The following ZFR2 variants were observed in gnomAD, a reference collection of about 807,000 sequenced individuals.
ZFR2 encodes zinc finger RNA binding protein 2.
Under a neutral mutation model 105.7 loss-of-function variants are expected in ZFR2, and 104 were observed. That is an observed-to-expected ratio of 0.98 (90% CI 0.84 to 1.16). The LOEUF (loss-of-function observed/expected upper bound fraction) is 1.16, where lower values mean the gene tolerates loss of function less well. Ranked by LOEUF, ZFR2 falls within the 50% of genes most tolerant of loss-of-function variation. The pLI, the probability that ZFR2 is intolerant of heterozygous loss-of-function variation, is 0.00. For synonymous variants in ZFR2, 634 were observed against 597.7 expected (o/e 1.06, Z -0.89); for missense variants, 1,425 against 1,355.5 (o/e 1.05, Z -0.80).
At chr19:3,806,549 C>A (rs1476540474) in intron 18 of ZFR2, among the ~76,000 whole-genome samples, 1 of 152,220 alleles carries the variant, frequency 6.6e-6, no homozygotes, top group Non-Finnish European at 1.5e-5. Flanking sequence ...CGTGAGCCAC[C>A]CGGCCCGGCC....
chr19:3,807,557 G>A lies in ZFR2; in HGVS notation c.2546-288C>T, dbSNP rs974091100. Among the ~76,000 whole-genome samples the A allele has an allele frequency of 7.9e-5, 3 of 38,054 alleles. 1 individual carries two copies. The highest frequency in any genetic ancestry group is 1.4e-4 in the Non-Finnish European group (3 of 21,798). 25.0% of individuals were successfully genotyped at this position (38,054 alleles called of 152,430 possible). A position where few individuals can be genotyped will look rare whatever the true frequency, so the allele number is the denominator to read the frequency against. On this transcript the variant is annotated intron_variant, in intron 17 of 18. Coordinates refer to ENST00000262961, the MANE Select transcript of ZFR2 (RefSeq NM_015174.2). ...CCCATGCATATACACATACGCTGAC[G>A]TGTGTGTCCATGCGTGCCCATGTGC...
At chr19:3,835,239 G>A (rs934897908) in intron 1 of ZFR2, among the ~76,000 whole-genome samples, 1 of 152,204 alleles carries the variant, frequency 6.6e-6, no homozygotes, top group African/African-American at 2.4e-5. Context: ...GCAGAGCTGG[G>A]ACTCGAACCC....
At chr19:3,862,813 T>G (rs78363600) in intron 1 of ZFR2, among the ~76,000 whole-genome samples, 20,379 of 152,210 alleles carry the variant, frequency 0.13, 1,707 homozygotes, top group East Asian at 0.27. Flanking sequence ...TATTTCAGCC[T>G]TGCTGAGAAG....
At chr19:3,812,475 G>T (rs1428567582) in intron 14 of ZFR2, among the ~76,000 whole-genome samples, 2 of 152,036 alleles carry the variant, frequency 1.3e-5, no homozygotes. Context: ...GCACTTTCCT[G>T]GGGGGCGGCT....
intron 16 of ZFR2, among the ~76,000 whole-genome samples, chr19:3,809,597 C>T (rs1255185862): frequency 6.6e-6 from 1 of 152,192 alleles, no homozygotes; most frequent in African/African-American, 2.4e-5. Flanking sequence ...TCACCCAGCA[C>T]GGAGGCTACT....
At chr19:3,848,173 AG>A (rs2038202228) in intron 1 of ZFR2, among the ~76,000 whole-genome samples, 1 of 152,164 alleles carries the variant, frequency 6.6e-6, no homozygotes, top group Non-Finnish European at 1.5e-5. Context: ...GTACTTTGGG[AG>A]GCCGAGGCAG....
rs113401682 is a variant in ZFR2 at position 3,829,454 on chromosome 19, T to TTGTG, written c.853-1805_853-1802dup. 8.6e-3 allele frequency among the ~76,000 whole-genome samples: 1,281 copies of TTGTG among 149,724 alleles called. 18 individuals are homozygous for TTGTG. The highest frequency in any genetic ancestry group is 0.029 in the African/African-American group (1,201 of 40,952). ...GGATTATGGGGGACTATAGGTAGGT[T>TTGTG]TGTGTGTGTGTGTGTGTGTGTGTGT... On this transcript the variant is annotated intron_variant, in intron 5 of 18. Transcript: ENST00000262961.
intron 8 of ZFR2, among the ~76,000 whole-genome samples, chr19:3,822,534 C>G (rs1039271443): frequency 6.6e-6 from 1 of 151,688 alleles, no homozygotes; most frequent in African/African-American, 2.4e-5. Context: ...AGCGAGACCC[C>G]CATCTCTACA....
At position 3,831,909 on chromosome 19, in the gene ZFR2, C is replaced by T. The variant is rs553930637; in HGVS notation, c.380-31G>A. ...GGACAGGGACAGGCCCTCTGCAGAGCCAACCCCCACCCCACTGTCCCTCAC... is the reference window on the plus strand; with the variant it reads ...GGACAGGGACAGGCCCTCTGCAGAGTCAACCCCCACCCCACTGTCCCTCAC... On this transcript the variant is annotated intron_variant, in intron 3 of 18. Coordinates refer to ENST00000262961, the MANE Select transcript of ZFR2 (RefSeq NM_015174.2). 5 of 1,487,576 alleles carry T rather than the reference C, an allele frequency of 3.4e-6. No homozygotes were observed. The African/African-American group carries it at 4.2e-5, about 12-fold the overall frequency. 92.1% of individuals were successfully genotyped at this position (1,487,576 alleles called of 1,614,324 possible).
intron 1 of ZFR2, among the ~76,000 whole-genome samples, chr19:3,862,661 C>T (rs2038386184): frequency 6.6e-6 from 1 of 152,248 alleles, no homozygotes; most frequent in Non-Finnish European, 1.5e-5. Flanking sequence ...AACATCCAAT[C>T]TACCTAATTC....
At chr19:3,832,376 C>T (rs1256460256) in intron 3 of ZFR2, among the ~76,000 whole-genome samples, 1 of 151,034 alleles carries the variant, frequency 6.6e-6, no homozygotes, top group Admixed American at 6.6e-5. Flanking sequence ...GGTTGGAATG[C>T]AGTGGCATGA....
intron 15 of ZFR2, 111 bp from the exon 16 acceptor site, chr19:3,810,956 G>T: frequency 8.2e-7 from 1 of 1,213,698 alleles, no homozygotes; most frequent in Non-Finnish European, 1.1e-6. Context: ...GGAGCCTGGC[G>T]GGCCTCGAAG....
intron 6 of ZFR2, among the ~76,000 whole-genome samples, chr19:3,826,627 G>C (rs1002958995): frequency 6.6e-6 from 1 of 151,842 alleles, no homozygotes; most frequent in Admixed American, 6.6e-5. Context: ...CAGTAGAGAC[G>C]GGGTTTCACC....
Position 3,831,512 on chromosome 19 carries a change from T to C in ZFR2, c.643A>G (p.Ser215Gly). 1 of 1,556,530 alleles carries C rather than the reference T, an allele frequency of 6.4e-7. No homozygotes were observed. Among genetic ancestry groups the C allele is most frequent in the Non-Finnish European group, 8.7e-7 (1 of 1,150,744 alleles). The stretch of plus-strand genomic sequence containing the variant: ...GGCTGCGCTGGAGGATAGAAAGGGC[T>C]GGCAGCGGAGTACACCGACGCGTCA... ...NYDASVYSAA[S>G]PFYPPAQPPP... Residue 215 changes from serine (S) to glycine (G), a missense_variant, in exon 5 of 19, where the codon AGC (serine) becomes GGC (glycine). Coordinates refer to ENST00000262961, the MANE Select transcript of ZFR2 (RefSeq NM_015174.2).
intron 17 of ZFR2, 135 bp from the exon 18 acceptor site, chr19:3,807,404 A>G: frequency 1.6e-6 from 1 of 640,216 alleles, no homozygotes. Context: ...GGCACCTCTG[A>G]CCCTCAGGCC....
At chr19:3,819,472 G>A (rs558949996) in intron 11 of ZFR2, among the ~76,000 whole-genome samples, 21 of 152,324 alleles carry the variant, frequency 1.4e-4, no homozygotes, top group Admixed American at 9.1e-4. Flanking sequence ...GGGAAACTCC[G>A]CCACCTTTGG....
chr19:3,826,226 G>A (rs994118683), intron 6 of ZFR2, among the ~76,000 whole-genome samples: 5 of 151,974 alleles, frequency 3.3e-5, no homozygotes, highest in African/African-American at 4.8e-5. Context: ...GGGTTCACAC[G>A]GGCCCTCAGC....
At chr19:3,831,998 C>A in intron 3 of ZFR2, 120 bp from the exon 4 acceptor site, 1 of 844,270 alleles carries the variant, frequency 1.2e-6, no homozygotes, top group Non-Finnish European at 1.7e-6. Context: ...GGACCAGAGG[C>A]CAGAGCCTTG....
intron 8 of ZFR2, 134 bp from the exon 9 acceptor site, chr19:3,822,334 G>A (rs982345251): frequency 1.4e-5 from 19 of 1,377,210 alleles, no homozygotes; most frequent in African/African-American, 7.1e-5. Flanking sequence ...TAGAGACAGC[G>A]TCTTGCTGTG....
Sources: allele counts gnomAD v4.1 joint callset (sites outside exome capture counted in the v4.1 genomes callset), GRCh38; gene constraint gnomAD v4.1.1; transcripts MANE v1.5; gene names NCBI Gene and HGNC (gene_info 2026-07-23, HGNC 2026-07-21).